TPP2: variants seen among roughly 807,000 people sequenced by gnomAD.
TPP2 encodes tripeptidyl-peptidase 2.
Under a neutral mutation model 155.9 loss-of-function variants are expected in TPP2, and 34 were observed. The ratio of observed to expected loss-of-function variants is 0.22; its 90% CI spans 0.17 to 0.29. The LOEUF is 0.29. Ranked by LOEUF, TPP2 falls within the 10% of genes least tolerant of loss-of-function variation. The probability of loss-of-function intolerance (pLI) is 1.00; values close to 1 mark genes in which losing one functional copy is unlikely to be tolerated. For missense variants in TPP2, 1,028 were observed against 1,522.3 expected, an observed-to-expected ratio of 0.68 and a Z score of 5.40; for synonymous variants, 510 against 529.4, an observed-to-expected ratio of 0.96 and a Z score of 0.50.
At chr13:102,657,407 G>A (rs1398557751) in intron 25 of TPP2, among the ~76,000 whole-genome samples, 200 bp downstream of exon 25, 1 of 151,492 alleles carries the variant, frequency 6.6e-6, no homozygotes, top group Admixed American at 6.6e-5. Context: ...GTGATTAAAT[G>A]TTTTAATTTT....
In TPP2 at chr13:102,678,907, C is replaced by T. The variant is rs1051332994; in HGVS notation, c.*591C>T. 5 of 149,754 alleles carry T rather than the reference C, an allele frequency of 3.3e-5. No individual in the cohort carries two copies. Among genetic ancestry groups the T allele is most frequent in the African/African-American group, 1.2e-4 (5 of 40,698 alleles). The allele number at this position is 149,754 out of a possible 1,614,324, so 9.3% of individuals were successfully genotyped here. On this transcript the variant is annotated 3_prime_UTR_variant, in exon 30 of 30. Coordinates refer to ENST00000376052, the MANE Select transcript of TPP2 (RefSeq NM_001330588.2). ...GAGCATAACTGCTTCAATAAATCTTCATCTTGGGGTAATTACAGGCAAGTC... is the reference window on the plus strand; with the variant it reads ...GAGCATAACTGCTTCAATAAATCTTTATCTTGGGGTAATTACAGGCAAGTC...
chr13:102,601,681 T>C (rs1402118111), intron 1 of TPP2, among the ~76,000 whole-genome samples: 2 of 152,216 alleles, frequency 1.3e-5, no homozygotes, highest in Non-Finnish European at 1.5e-5. Flanking sequence ...ATGAGTGATA[T>C]AGTTCCATTG....
intron 27 of TPP2, among the ~76,000 whole-genome samples, chr13:102,665,512 G>A (rs1473223721): frequency 5.9e-5 from 9 of 152,064 alleles, no homozygotes; most frequent in Admixed American, 5.9e-4. Flanking sequence ...TTTATGAGTG[G>A]TTGGTATGGT....
intron 27 of TPP2, among the ~76,000 whole-genome samples, chr13:102,668,997 C>T (rs1270469044): frequency 6.6e-6 from 1 of 152,062 alleles, no homozygotes; most frequent in Non-Finnish European, 1.5e-5. Flanking sequence ...GGTTTGATGC[C>T]TCGTGCTGGA....
rs1882334689 is a variant in TPP2 at position 102,635,772 on chromosome 13, ATATTTTGTTT to A, written c.1509+74_1509+83del. 2.5e-6 allele frequency: 3 copies of A among 1,208,600 alleles called. No homozygotes were observed. In the South Asian group the frequency reaches 3.9e-5, roughly 16 times the overall value. The allele number at this position is 1,208,600 out of a possible 1,614,324, so 74.9% of individuals were successfully genotyped here. A position where few individuals can be genotyped will look rare whatever the true frequency, so the allele number is the denominator to read the frequency against. ...ATAATATCTTAGATATTATTGGGTA[ATATTTTGTTT>A]TATAACAGTGATTCAGTATATCTGA... On this transcript the variant is annotated intron_variant, in intron 12 of 29. Coordinates refer to ENST00000376052, the MANE Select transcript of TPP2 (RefSeq NM_001330588.2).
At position 102,621,604 on chromosome 13, in the gene TPP2, T is replaced by A. The variant is rs190707061; in HGVS notation, c.621-1273T>A. Among the ~76,000 whole-genome samples the A allele has an allele frequency of 4.6e-5, 7 of 152,178 alleles. No homozygotes were observed. The East Asian group carries it at 1.4e-3, about 29-fold the overall frequency. On this transcript the variant is annotated intron_variant, in intron 5 of 29. Transcript: ENST00000376052. ...GGTGAGCAGATGATTATTAGGGGCA[T>A]TGCTCTGGAGTTTCAATGTTAAGAG...
intron 25 of TPP2, among the ~76,000 whole-genome samples, chr13:102,663,273 G>A (rs934175841): frequency 8.6e-5 from 13 of 151,962 alleles, no homozygotes; most frequent in Admixed American, 2.0e-4. Flanking sequence ...TCAGCCTCCC[G>A]AGTATCTGGG....
intron 8 of TPP2, 39 bp from the exon 9 acceptor site, chr13:102,629,443 A>T: frequency 6.9e-7 from 1 of 1,450,868 alleles, no homozygotes; most frequent in Non-Finnish European, 9.0e-7. Context: ...TTGGGAATAG[A>T]GGCTGATTAT....
At position 102,605,167 on chromosome 13, in the gene TPP2, G is replaced by C. The variant is rs571612687; in HGVS notation, c.294+246G>C. ...GTTGCAAATGGTTAGCCATGGCTGT[G>C]ACTTCAGCTGAAGGCTCAGCTTGGG... On this transcript the variant is annotated intron_variant, in intron 2 of 29. Transcript: ENST00000376052. Among the ~76,000 whole-genome samples, 5 of 152,264 alleles carry C rather than the reference G, an allele frequency of 3.3e-5. No homozygotes were observed. The East Asian group carries it at 9.6e-4, about 29-fold the overall frequency.
At position 102,678,265 on chromosome 13, in the gene TPP2, T is replaced by C. The variant is rs192753002; in HGVS notation, c.3738T>C (p.Phe1246=). 6.8e-6 allele frequency: 11 copies of C among 1,613,790 alleles called. No homozygotes were observed. The Admixed American group carries it at 1.8e-4, about 27-fold the overall frequency. ...KLLGWTHCAS[F]TENWLPIMYP... is the part of the protein sequence containing the mutation. The stretch of plus-strand genomic sequence containing the variant: ...TTGGATGGACCCATTGTGCATCTTT[T>C]ACTGAAAACTGGCTCCCCATCATGT... Residue 1246 remains phenylalanine, a synonymous_variant, in exon 30 of 30, where the codon TTT becomes TTC. Transcript: ENST00000376052.
At chr13:102,670,840 C>T (rs545130403) in intron 27 of TPP2, among the ~76,000 whole-genome samples, 2 of 152,088 alleles carry the variant, frequency 1.3e-5, no homozygotes, top group Non-Finnish European at 2.9e-5. Context: ...AGAATGTATC[C>T]ACGATATTTC....
At chr13:102,652,930 A>G (rs1407693343) in intron 24 of TPP2, among the ~76,000 whole-genome samples, 4 of 152,318 alleles carry the variant, frequency 2.6e-5, no homozygotes, top group Admixed American at 6.5e-5. Flanking sequence ...AGAACAAGGA[A>G]TAGGTATTCT....
At chr13:102,638,447 G>T (rs750873074) in intron 15 of TPP2, 132 bp downstream of exon 15, 17 of 971,788 alleles carry the variant, frequency 1.7e-5, no homozygotes, top group Non-Finnish European at 2.5e-5. Context: ...TCTGCTCCCA[G>T]CTAGCATTTT....
At chr13:102,665,399 T>C (rs1884527303) in intron 27 of TPP2, among the ~76,000 whole-genome samples, 1 of 152,242 alleles carries the variant, frequency 6.6e-6, no homozygotes, top group Non-Finnish European at 1.5e-5. Context: ...TGGCAACTTT[T>C]ATGAAACTGG....
chr13:102,665,703 TTAAC>T (rs1884548887), intron 27 of TPP2, among the ~76,000 whole-genome samples: 1 of 152,218 alleles, frequency 6.6e-6, no homozygotes, highest in South Asian at 2.1e-4. Context: ...TACAGGATCA[TTAAC>T]TAGGTAGAAA....
chr13:102,643,084 T>G, intron 16 of TPP2, 138 bp from the exon 17 acceptor site: 1 of 681,368 alleles, frequency 1.5e-6, no homozygotes, highest in Non-Finnish European at 2.2e-6. Flanking sequence ...AATATGCAGA[T>G]TTGAGTGTAC....
At chr13:102,643,577 G>C (rs935200937) in intron 17 of TPP2, among the ~76,000 whole-genome samples, 1 of 152,136 alleles carries the variant, frequency 6.6e-6, no homozygotes. Context: ...AATTATGGCT[G>C]TAATTCTTGA....
intron 29 of TPP2, 53 bp from the exon 30 acceptor site, chr13:102,678,174 C>T: frequency 6.6e-7 from 1 of 1,518,322 alleles, no homozygotes; most frequent in Non-Finnish European, 9.0e-7. Context: ...AAATACTGAG[C>T]TTAAAAATCT....
chr13:102,649,165 T>C lies in TPP2; in HGVS notation c.2873+14T>C. 6.3e-7 allele frequency: 1 copy of C among 1,586,990 alleles called. No individual in the cohort carries two copies. Among genetic ancestry groups the C allele is most frequent in the Non-Finnish European group, 8.6e-7 (1 of 1,167,748 alleles). On this transcript the variant is annotated intron_variant, in intron 22 of 29. Coordinates refer to ENST00000376052, the MANE Select transcript of TPP2 (RefSeq NM_001330588.2). ...ACCTGATGATAAGTAAGTGATAACATTGCTTATACTTACTGCCCATCGTAT... is the reference window on the plus strand; with the variant it reads ...ACCTGATGATAAGTAAGTGATAACACTGCTTATACTTACTGCCCATCGTAT...
Sources: gnomAD v4.1 joint callset for allele counts (sites outside exome capture counted in the v4.1 genomes callset) on GRCh38, gnomAD v4.1.1 for gene constraint, MANE v1.5 for transcripts, NCBI Gene and HGNC (gene_info 2026-07-23, HGNC 2026-07-21) for gene names.